Variants in ASPH observed in about 807,000 individuals in gnomAD.
ASPH encodes the protein aspartyl/asparaginyl beta-hydroxylase.
Under a neutral mutation model 118.4 loss-of-function variants are expected in ASPH, and 100 were observed. The observed-to-expected ratio is 0.84, with a 90% confidence interval of 0.72 to 1.00. The LOEUF (loss-of-function observed/expected upper bound fraction) is 1.00, where lower values mean the gene tolerates loss of function less well. Among genes scored for constraint, ASPH ranks in the 50% least tolerant of loss-of-function variants. The pLI, the probability that ASPH is intolerant of heterozygous loss-of-function variation, is 0.00. For synonymous variants in ASPH, 315 were observed against 325.6 expected (o/e 0.97, Z 0.35); for missense variants, 920 against 919.5 (o/e 1.00, Z -0.01).
chr8:61,603,897 T>G (rs1027891511), intron 14 of ASPH, among the ~76,000 whole-genome samples: 1 of 152,260 alleles, frequency 6.6e-6, no homozygotes, highest in Non-Finnish European at 1.5e-5. Context: ...GAACTGACTC[T>G]TGAGGCACAG....
At chr8:61,549,431 TCTC>T (rs1825080063) in intron 20 of ASPH, among the ~76,000 whole-genome samples, 1 of 152,214 alleles carries the variant, frequency 6.6e-6, no homozygotes, top group Non-Finnish European at 1.5e-5. Context: ...CTTATTCTAC[TCTC>T]CTCCTATTTA....
intron 13 of ASPH, among the ~76,000 whole-genome samples, chr8:61,628,066 C>T (rs1204833610): frequency 6.6e-6 from 1 of 152,028 alleles, no homozygotes; most frequent in Non-Finnish European, 1.5e-5. Context: ...TAGTCTCTAC[C>T]TCCTTGCTGG....
intron 13 of ASPH, among the ~76,000 whole-genome samples, chr8:61,619,386 A>G (rs918254467): frequency 3.9e-5 from 6 of 152,152 alleles, no homozygotes; most frequent in African/African-American, 1.4e-4. Context: ...CAATATTGTT[A>G]TTGTCTCTTA....
intron 1 of ASPH, among the ~76,000 whole-genome samples, chr8:61,687,950 CT>C (rs924417876): frequency 1.2e-4 from 19 of 152,048 alleles, no homozygotes; most frequent in Admixed American, 1.2e-3. Context: ...GGAAGGGATT[CT>C]TTTTTAAGAC....
chr8:61,697,987 C>CA (rs762153299), intron 1 of ASPH, among the ~76,000 whole-genome samples: 19 of 152,148 alleles, frequency 1.2e-4, no homozygotes, highest in Non-Finnish European at 2.1e-4. Flanking sequence ...CTTGTAAAGA[C>CA]AGAGTCTTGC....
chr8:61,696,442 G>A (rs911717461), intron 1 of ASPH, among the ~76,000 whole-genome samples: 4 of 152,122 alleles, frequency 2.6e-5, no homozygotes, highest in Admixed American at 1.3e-4. Flanking sequence ...TGCTAATACC[G>A]ATTTACTGCA....
intron 14 of ASPH, among the ~76,000 whole-genome samples, chr8:61,605,872 C>CAA (rs1370810404): frequency 1.3e-5 from 2 of 152,144 alleles, no homozygotes; most frequent in Non-Finnish European, 2.9e-5. Context: ...TTAAAATATT[C>CAA]CTCATTTTTC....
At chr8:61,595,333 AT>A (rs1842221218) in intron 14 of ASPH, among the ~76,000 whole-genome samples, 1 of 152,210 alleles carries the variant, frequency 6.6e-6, no homozygotes, top group African/African-American at 2.4e-5. Flanking sequence ...GTGACAAACT[AT>A]TTCTGATGTA....
intron 24 of ASPH, among the ~76,000 whole-genome samples, chr8:61,513,573 G>A (rs1321712902): frequency 6.6e-6 from 1 of 152,194 alleles, no homozygotes; most frequent in Non-Finnish European, 1.5e-5. Context: ...AACTCTTCAG[G>A]GAGGAGAGGA....
chr8:61,707,348 C>A (rs1245863687), intron 1 of ASPH, among the ~76,000 whole-genome samples: 1 of 152,136 alleles, frequency 6.6e-6, no homozygotes, highest in Non-Finnish European at 1.5e-5. Flanking sequence ...GCTACTCTTA[C>A]CAGTAACTTC....
chr8:61,650,097 C>A (rs535164283), intron 5 of ASPH, among the ~76,000 whole-genome samples: 1 of 152,162 alleles, frequency 6.6e-6, no homozygotes, highest in East Asian at 1.9e-4. Context: ...ACAGCACTTA[C>A]CCCATTATAT....
At chr8:61,660,598 C>T (rs1816384150) in intron 3 of ASPH, 1 of 152,088 alleles carries the variant, frequency 6.6e-6, no homozygotes, top group Admixed American at 6.6e-5. Flanking sequence ...TGTTCAAGCA[C>T]CTAGATCCAG....
intron 15 of ASPH, chr8:61,579,052 C>T (rs1474342208): frequency 6.2e-7 from 1 of 1,610,692 alleles, no homozygotes; most frequent in African/African-American, 1.3e-5. Context: ...CGGGCTGAGG[C>T]TGAGAGCATG....
intron 5 of ASPH, among the ~76,000 whole-genome samples, chr8:61,649,983 TA>T (rs1478549482): frequency 6.6e-6 from 1 of 152,168 alleles, no homozygotes; most frequent in Non-Finnish European, 1.5e-5. Flanking sequence ...GCCTTCTGCT[TA>T]AAACACTCAC....
chr8:61,514,776 G>C (rs759118788), intron 24 of ASPH, among the ~76,000 whole-genome samples: 1 of 152,216 alleles, frequency 6.6e-6, no homozygotes, highest in Middle Eastern at 3.4e-3. Flanking sequence ...GTGTTGCTCA[G>C]GCTGGTCTTG....
At chr8:61,643,473 C>A (rs199843977) in intron 8 of ASPH, 40 bp from the exon 9 acceptor site, 7 of 1,571,962 alleles carry the variant, frequency 4.5e-6, no homozygotes, top group African/African-American at 1.3e-5. Context: ...CAGGAAAAAA[C>A]CAAACACATT....
At chr8:61,547,715 A>G (rs1346565414) in intron 21 of ASPH, among the ~76,000 whole-genome samples, 1 of 151,990 alleles carries the variant, frequency 6.6e-6, no homozygotes, top group Admixed American at 6.6e-5. Context: ...TTATGAGGTT[A>G]TTATTTTTAA....
At chr8:61,712,305 A>G (rs1423688710) in intron 1 of ASPH, among the ~76,000 whole-genome samples, 1 of 152,204 alleles carries the variant, frequency 6.6e-6, no homozygotes, top group Non-Finnish European at 1.5e-5. Flanking sequence ...AGTACAGCCT[A>G]CTATACACGA....
chr8:61,604,357 AGG>A, intron 14 of ASPH, among the ~76,000 whole-genome samples: 1 of 152,360 alleles, frequency 6.6e-6, no homozygotes, highest in African/African-American at 2.4e-5. Flanking sequence ...GTTAAATTTT[AGG>A]GAGGAAAAAA....
Sources: gnomAD v4.1 joint callset for allele counts (sites outside exome capture counted in the v4.1 genomes callset) on GRCh38, gnomAD v4.1.1 for gene constraint, MANE v1.5 for transcripts, NCBI Gene and HGNC (gene_info 2026-07-23, HGNC 2026-07-21) for gene names.